Variants in TTLL5 observed in about 807,000 individuals in gnomAD.
TTLL5 encodes the protein tubulin polyglutamylase TTLL5.
A neutral mutation model predicts 168.4 loss-of-function variants in TTLL5; 132 were observed. The ratio of observed to expected loss-of-function variants is 0.78; its 90% CI spans 0.68 to 0.91. The LOEUF (loss-of-function observed/expected upper bound fraction) is 0.91. Ranked by LOEUF, TTLL5 falls within the 40% of genes least tolerant of loss-of-function variation. TTLL5 has a pLI of 0.00. For synonymous variants in TTLL5, 546 were observed against 558.6 expected, an observed-to-expected ratio of 0.98 and a Z score of 0.32; for missense variants, 1,545 against 1,581.5, an observed-to-expected ratio of 0.98 and a Z score of 0.39.
intron 3 of TTLL5, among the ~76,000 whole-genome samples, chr14:75,675,214 C>A (rs558256797): frequency 2.6e-5 from 4 of 152,240 alleles, no homozygotes; most frequent in African/African-American, 9.6e-5. Context: ...ATATCCTAAT[C>A]CTAATTCTAG....
rs61741261 is a variant in TTLL5 at position 75,766,126 on chromosome 14, C to A, written c.1773C>A (p.Val591=). Residue 591 remains valine, a synonymous_variant, in exon 20 of 32, where the codon GTC becomes GTA. Transcript: ENST00000298832. ...CAGAGAGTGAAGAGGAGGAAGAAGTCGCATTAGATAATGAAGATGAAGAAC... is the reference window on the plus strand; with the variant it reads ...CAGAGAGTGAAGAGGAGGAAGAAGTAGCATTAGATAATGAAGATGAAGAAC... ...TETESEEEEE[V]ALDNEDEEQE... 100 of 1,613,736 alleles carry A rather than the reference C, an allele frequency of 6.2e-5. No homozygotes were observed. The highest frequency in any genetic ancestry group is 8.5e-5 in the Non-Finnish European group (100 of 1,179,952).
intron 20 of TTLL5, among the ~76,000 whole-genome samples, chr14:75,768,461 A>C (rs1285199814): frequency 6.6e-6 from 1 of 152,242 alleles, no homozygotes; most frequent in East Asian, 1.9e-4. Flanking sequence ...GTAAGAATGC[A>C]TCAGGGAGAC....
chr14:75,865,934 A>G (rs553245265), intron 29 of TTLL5, among the ~76,000 whole-genome samples: 3 of 152,198 alleles, frequency 2.0e-5, no homozygotes, highest in Middle Eastern at 6.3e-3. Flanking sequence ...ATAATTGTAT[A>G]TATGTGTGTA....
chr14:75,714,915 T>C (rs929762802), intron 9 of TTLL5, among the ~76,000 whole-genome samples: 1 of 152,232 alleles, frequency 6.6e-6, no homozygotes, highest in Non-Finnish European at 1.5e-5. Flanking sequence ...TATGTACATA[T>C]ACACTTGTAC....
rs34048806 is a variant in TTLL5, at chr14:75,926,156, CTTTTTTTTTTTTTT to C, written c.3823+23947_3823+23960del. 4.7e-3 allele frequency among the ~76,000 whole-genome samples: 141 copies of C among 29,900 alleles called. 1 individual carries two copies. The highest frequency in any genetic ancestry group is 0.026 in the African/African-American group (134 of 5,134). The allele number at this position is 29,900 out of a possible 152,430, so 19.6% of individuals were successfully genotyped here. A position where few individuals can be genotyped will look rare whatever the true frequency, so the allele number is the denominator to read the frequency against. On this transcript the variant is annotated intron_variant, in intron 31 of 31. Transcript: ENST00000298832. ...TTAAAGACTAGGATTGCAACCCCAG[CTTTTTTTTTTTTTT>C]TTTTTTTTTTTTTTGCTTTCCATTT...
intron 27 of TTLL5, among the ~76,000 whole-genome samples, chr14:75,819,708 C>G (rs2140413700): frequency 6.6e-6 from 1 of 152,358 alleles, no homozygotes; most frequent in East Asian, 1.9e-4. Flanking sequence ...ATTGTCTACT[C>G]AGTAGATTCT....
intron 19 of TTLL5, 79 bp downstream of exon 19, chr14:75,764,851 T>A (rs1890866121): frequency 1.3e-6 from 2 of 1,520,014 alleles, no homozygotes; most frequent in Non-Finnish European, 1.8e-6. Context: ...TACTCAGTAT[T>A]TCATGAGTCA....
Position 75,873,617 on chromosome 14 carries a change from G to A in TTLL5, c.3523-9068G>A, listed in dbSNP as rs577163037. On this transcript the variant is annotated intron_variant, in intron 29 of 31. Transcript: ENST00000298832. ...TTAAGGCTGAATAACATTTCATTGT[G>A]TGTGTATACACATATACATACCATG... 2.4e-4 allele frequency among the ~76,000 whole-genome samples: 36 copies of A among 152,058 alleles called. 1 individual carries two copies. The South Asian group carries it at 7.3e-3, about 31-fold the overall frequency.
chr14:75,796,869 A>G (rs1348397154), intron 27 of TTLL5, among the ~76,000 whole-genome samples: 1 of 152,110 alleles, frequency 6.6e-6, no homozygotes, highest in African/African-American at 2.4e-5. Flanking sequence ...TGATGCCTCT[A>G]GATTTGTTCT....
intron 28 of TTLL5, among the ~76,000 whole-genome samples, chr14:75,857,109 T>C (rs1165100519): frequency 1.3e-5 from 2 of 152,234 alleles, no homozygotes; most frequent in Non-Finnish European, 2.9e-5. Context: ...ATGAATAATA[T>C]CTTTTTTTCT....
At chr14:75,853,445 A>G (rs991941815) in intron 28 of TTLL5, among the ~76,000 whole-genome samples, 2 of 152,162 alleles carry the variant, frequency 1.3e-5, no homozygotes, top group Non-Finnish European at 1.5e-5. Flanking sequence ...CTAGGTCATG[A>G]GCTTTTAAAA....
chr14:75,882,930 T>C, intron 30 of TTLL5, 28 bp downstream of exon 30: 1 of 1,606,830 alleles, frequency 6.2e-7, no homozygotes, highest in Non-Finnish European at 8.5e-7. Context: ...CAATTTCTAC[T>C]GAGTTTTATC....
At chr14:75,767,049 G>C (rs1167359173) in intron 20 of TTLL5, among the ~76,000 whole-genome samples, 3 of 152,116 alleles carry the variant, frequency 2.0e-5, no homozygotes, top group Non-Finnish European at 4.4e-5. Context: ...TGTAAGCCCA[G>C]CTACTCGGGA....
At chr14:75,782,734 A>G (rs769288797) in intron 25 of TTLL5, among the ~76,000 whole-genome samples, 161 bp downstream of exon 25, 7 of 152,210 alleles carry the variant, frequency 4.6e-5, no homozygotes, top group Non-Finnish European at 7.3e-5. Flanking sequence ...ATCTATTGAT[A>G]AGCTATTTTC....
At chr14:75,874,933 C>CCTTTT (rs778792332) in intron 29 of TTLL5, among the ~76,000 whole-genome samples, 65,612 of 97,100 alleles carry the variant, frequency 0.68, 22,813 homozygotes, top group South Asian at 0.76. Context: ...CACTGGGGGC[C>CCTTTT]TTTTTTTTTT....
At chr14:75,774,215 C>T (rs1891574160) in intron 21 of TTLL5, among the ~76,000 whole-genome samples, 1 of 152,020 alleles carries the variant, frequency 6.6e-6, no homozygotes, top group Admixed American at 6.6e-5. Context: ...AGGCTCTTGG[C>T]CTTATAAAAT....
chr14:75,755,337 T>C (rs1890186132), intron 18 of TTLL5, among the ~76,000 whole-genome samples: 1 of 152,038 alleles, frequency 6.6e-6, no homozygotes, highest in Admixed American at 6.6e-5. Context: ...CCTCATGGTC[T>C]ACCCATGCTT....
At chr14:75,911,115 C>A (rs1566656781) in intron 31 of TTLL5, among the ~76,000 whole-genome samples, 1 of 152,154 alleles carries the variant, frequency 6.6e-6, no homozygotes, top group Non-Finnish European at 1.5e-5. Context: ...GCAACTTCCG[C>A]CTCCCAGGTC....
At chr14:75,723,047 C>A (rs1056888591) in intron 12 of TTLL5, among the ~76,000 whole-genome samples, 2 of 152,062 alleles carry the variant, frequency 1.3e-5, no homozygotes, top group African/African-American at 4.8e-5. Flanking sequence ...GTATATTTGT[C>A]TCCTGTAGCC....
Sources: allele counts gnomAD v4.1 joint callset (sites outside exome capture counted in the v4.1 genomes callset), GRCh38; gene constraint gnomAD v4.1.1; transcripts MANE v1.5; gene names NCBI Gene and HGNC (gene_info 2026-07-23, HGNC 2026-07-21).